The following UBE2F variants were observed in gnomAD, a reference collection of about 807,000 sequenced individuals.
The protein encoded by UBE2F is ubiquitin conjugating enzyme E2 F (putative).
A neutral mutation model predicts 29.6 loss-of-function variants in UBE2F; 5 were observed. The ratio of observed to expected loss-of-function variants is 0.17; its 90% CI spans 0.09 to 0.36. The LOEUF is 0.36. UBE2F is among the 10% of genes least tolerant of loss of function. UBE2F has a pLI of 1.00. For missense variants in UBE2F, 141 were observed against 228.5 expected (o/e 0.62, Z 2.47); for synonymous variants, 66 against 81.8 (o/e 0.81, Z 1.04).
chr2:237,972,263 A>G (rs1164504439), intron 1 of UBE2F, among the ~76,000 whole-genome samples: 1 of 152,220 alleles, frequency 6.6e-6, no homozygotes, highest in Non-Finnish European at 1.5e-5. Context: ...GAGAGCAAAG[A>G]GTGGTGCTCC....
chr2:237,988,615 T>TAAA (rs35898026), intron 3 of UBE2F, among the ~76,000 whole-genome samples: 1 of 128,068 alleles, frequency 7.8e-6, no homozygotes, highest in Admixed American at 7.9e-5. Context: ...GACTCTGTCT[T>TAAA]AAAAAAAAAA....
intron 3 of UBE2F, among the ~76,000 whole-genome samples, chr2:237,994,501 T>C (rs1261683678): frequency 6.6e-6 from 1 of 152,224 alleles, no homozygotes; most frequent in Non-Finnish European, 1.5e-5. Context: ...GGAAAACATC[T>C]CTATTTGGAA....
At chr2:237,975,911 A>T (rs1479067114) in intron 2 of UBE2F, among the ~76,000 whole-genome samples, 5 of 152,104 alleles carry the variant, frequency 3.3e-5, no homozygotes, top group Admixed American at 2.6e-4. Flanking sequence ...GTGCTGGACT[A>T]ACAGGCATGA....
chr2:238,010,266 C>T (rs947712368), intron 4 of UBE2F, among the ~76,000 whole-genome samples: 2 of 151,952 alleles, frequency 1.3e-5, no homozygotes, highest in Admixed American at 1.3e-4. Context: ...CTCTGCCTCC[C>T]GGGTTCAAGT....
At chr2:237,993,860 C>T (rs2063637305) in intron 3 of UBE2F, among the ~76,000 whole-genome samples, 1 of 152,096 alleles carries the variant, frequency 6.6e-6, no homozygotes, top group African/African-American at 2.4e-5. Context: ...AATCAACTTC[C>T]CTGGCCTGCA....
rs1268541234 is a variant in UBE2F, at chr2:238,040,562, T to G, written c.508-726T>G. ...TTGTAGGAGTGAGAGGGTTAAGAGCTCCAAGTCATTCTTACGGCTCATACA... is the reference window on the plus strand; with the variant it reads ...TTGTAGGAGTGAGAGGGTTAAGAGCGCCAAGTCATTCTTACGGCTCATACA... On this transcript the variant is annotated intron_variant, in intron 9 of 9. Coordinates refer to ENST00000272930, the MANE Select transcript of UBE2F (RefSeq NM_080678.3). This position sits in a 1 kb window ranked among gnomAD's most constrained non-coding sequence, Gnocchi z 4.4. Among the ~76,000 whole-genome samples, 1 of 152,184 alleles carries G rather than the reference T, an allele frequency of 6.6e-6. No homozygotes were observed. The highest frequency in any genetic ancestry group is 1.5e-5 in the Non-Finnish European group (1 of 67,998).
chr2:238,003,831 C>A (rs1184399799), intron 4 of UBE2F, among the ~76,000 whole-genome samples: 1 of 152,134 alleles, frequency 6.6e-6, no homozygotes, highest in Admixed American at 6.5e-5. Flanking sequence ...TTTTGACAGG[C>A]CTACGCACTC....
intron 4 of UBE2F, among the ~76,000 whole-genome samples, chr2:238,010,001 C>G (rs754430330): frequency 6.6e-6 from 1 of 152,136 alleles, no homozygotes; most frequent in Non-Finnish European, 1.5e-5. Context: ...CTCTACTTCA[C>G]TGGCTGGAAA....
At chr2:238,016,665 C>A (rs1310476934) in intron 5 of UBE2F, 32 bp downstream of exon 5, 3 of 1,593,892 alleles carry the variant, frequency 1.9e-6, no homozygotes, top group East Asian at 4.5e-5. Flanking sequence ...TGTTGTTTTA[C>A]TTCTCGGGCG....
rs2064805171 is a variant in UBE2F at position 238,040,016 on chromosome 2, C to T, written c.508-1272C>T. On this transcript the variant is annotated intron_variant, in intron 9 of 9. Coordinates refer to ENST00000272930, the MANE Select transcript of UBE2F (RefSeq NM_080678.3). This position sits in a 1 kb window ranked among gnomAD's most constrained non-coding sequence, Gnocchi z 4.4. The stretch of plus-strand genomic sequence containing the variant: ...TCCCCCTTTGTTGCGGGGTAAAGGC[C>T]CATGTGGGAGGCTCCAAACGCCATC... 6.6e-6 allele frequency among the ~76,000 whole-genome samples: 1 copy of T among 152,154 alleles called. No homozygotes were observed. Among genetic ancestry groups the T allele is most frequent in the African/African-American group, 2.4e-5 (1 of 41,418 alleles).
intron 5 of UBE2F, among the ~76,000 whole-genome samples, chr2:238,023,372 A>C (rs1218836720): frequency 2.0e-5 from 3 of 152,264 alleles, no homozygotes; most frequent in African/African-American, 7.2e-5. Context: ...CTTTGTCCTC[A>C]GACACATGGA....
chr2:238,029,675 T>A (rs1212428033), intron 6 of UBE2F, among the ~76,000 whole-genome samples: 1 of 152,198 alleles, frequency 6.6e-6, no homozygotes, highest in Admixed American at 6.5e-5. Flanking sequence ...TCAGCAGTGT[T>A]TCAGAATGTC....
intron 1 of UBE2F, among the ~76,000 whole-genome samples, chr2:237,971,140 C>T (rs181522832): frequency 1.8e-4 from 27 of 152,268 alleles, no homozygotes; most frequent in African/African-American, 6.0e-4. Flanking sequence ...CAATGAGGAA[C>T]GGAGTATTCT....
chr2:238,035,708 T>C (rs896487206), intron 8 of UBE2F, 170 bp from the exon 9 acceptor site: 3 of 568,876 alleles, frequency 5.3e-6, no homozygotes, highest in South Asian at 4.7e-5. Context: ...AATACCCACA[T>C]GTTCGATATT....
At chr2:238,022,959 G>T (rs2064331184) in intron 5 of UBE2F, among the ~76,000 whole-genome samples, 1 of 152,234 alleles carries the variant, frequency 6.6e-6, no homozygotes, top group African/African-American at 2.4e-5. Flanking sequence ...ACAAAAGGAG[G>T]TATCTGTGTT....
chr2:237,987,920 G>A (rs764544831), intron 2 of UBE2F, 43 bp from the exon 3 acceptor site: 1 of 1,103,410 alleles, frequency 9.1e-7, no homozygotes. Flanking sequence ...ATTTTATGTG[G>A]AGTAATTGAC....
chr2:238,022,669 A>G (rs1308339705), intron 5 of UBE2F, among the ~76,000 whole-genome samples: 1 of 152,172 alleles, frequency 6.6e-6, no homozygotes, highest in African/African-American at 2.4e-5. Flanking sequence ...GTGTTTTTCC[A>G]AATGGGTAGC....
At chr2:238,020,503 A>AT (rs1247910441) in intron 5 of UBE2F, among the ~76,000 whole-genome samples, 1 of 152,128 alleles carries the variant, frequency 6.6e-6, no homozygotes, top group Non-Finnish European at 1.5e-5. Context: ...ACTTGACACA[A>AT]TTTCTGTACT....
Position 238,042,716 on chromosome 2 carries a change from A to C in UBE2F, c.*1378A>C, listed in dbSNP as rs544247066. The C allele has an allele frequency of 1.8e-4, 28 of 152,314 alleles. No individual in the cohort carries two copies. The highest frequency in any genetic ancestry group is 6.7e-4 in the African/African-American group (28 of 41,542). 9.4% of individuals were successfully genotyped at this position (152,314 alleles called of 1,614,324 possible). Reference sequence around the variant, plus strand: ...TTAATTTATAGAATCTCTGATTGTGAGATCAGTCTGTCACGGAGACCCAGC... The same window carrying C: ...TTAATTTATAGAATCTCTGATTGTGCGATCAGTCTGTCACGGAGACCCAGC... On this transcript the variant is annotated 3_prime_UTR_variant, in exon 10 of 10. Transcript: ENST00000272930.
Sources: allele counts gnomAD v4.1 joint callset (sites outside exome capture counted in the v4.1 genomes callset), GRCh38; gene constraint gnomAD v4.1.1; non-coding constraint Gnocchi (gnomAD v3.1); transcripts MANE v1.5; gene names NCBI Gene and HGNC (gene_info 2026-07-23, HGNC 2026-07-21).